Variants in ADD2 observed in about 807,000 individuals in gnomAD.
ADD2 encodes the protein adducin 2.
In ADD2, 23 loss-of-function variants were observed where a neutral mutation model predicts 83.0. The ratio of observed to expected loss-of-function variants is 0.28; its 90% CI spans 0.20 to 0.39. The LOEUF (loss-of-function observed/expected upper bound fraction) is 0.39, where lower values mean the gene tolerates loss of function less well. Among genes scored for constraint, ADD2 ranks in the 10% least tolerant of loss-of-function variants. The probability of loss-of-function intolerance (pLI) is 1.00; values close to 1 mark genes in which losing one functional copy is unlikely to be tolerated. For missense variants in ADD2, 758 were observed against 944.9 expected (o/e 0.80, Z 2.59); for synonymous variants, 375 against 375.4 (o/e 1.00, Z 0.01).
intron 1 of ADD2, among the ~76,000 whole-genome samples, chr2:70,749,597 T>G (rs1318514862): frequency 6.6e-6 from 1 of 152,160 alleles, no homozygotes; most frequent in Non-Finnish European, 1.5e-5. Context: ...AAGCAACCAT[T>G]TGATACAGTC....
chr2:70,759,983 C>T (rs1440360485), intron 1 of ADD2, among the ~76,000 whole-genome samples: 2 of 152,092 alleles, frequency 1.3e-5, no homozygotes, highest in African/African-American at 4.8e-5. Flanking sequence ...GCTGAGAGGA[C>T]ACCACTGCTT....
intron 1 of ADD2, among the ~76,000 whole-genome samples, chr2:70,761,821 G>A (rs1211248429): frequency 2.7e-5 from 4 of 149,922 alleles, no homozygotes; most frequent in South Asian, 4.3e-4. Context: ...ACAGGTGCCC[G>A]CCACCACGCC....
intron 6 of ADD2, 62 bp from the exon 7 acceptor site, chr2:70,692,614 C>T: frequency 6.7e-7 from 1 of 1,499,212 alleles, no homozygotes; most frequent in South Asian, 1.3e-5. Flanking sequence ...CACTCCTCTC[C>T]CAGCTGGTGG....
At chr2:70,675,412 TGTACCGCAG>T in intron 13 of ADD2, 1 of 985,650 alleles carries the variant, frequency 1.0e-6, no homozygotes, top group Non-Finnish European at 1.2e-6. Flanking sequence ...TCAACCTGCC[TGTACCGCAG>T]GTCCCTGCAG....
chr2:70,667,609 G>A (rs1006693714), intron 15 of ADD2, among the ~76,000 whole-genome samples: 1 of 152,176 alleles, frequency 6.6e-6, no homozygotes, highest in African/African-American at 2.4e-5. Context: ...CTGTGAGGGT[G>A]TTTCCAGAAG....
intron 1 of ADD2, among the ~76,000 whole-genome samples, chr2:70,718,608 G>A (rs1372160508): frequency 6.6e-6 from 1 of 152,198 alleles, no homozygotes; most frequent in Non-Finnish European, 1.5e-5. Flanking sequence ...CCTGAAGAAA[G>A]ACATTATTCA....
chr2:70,674,362 A>G (rs184407929), intron 14 of ADD2, among the ~76,000 whole-genome samples: 1 of 152,306 alleles, frequency 6.6e-6, no homozygotes, highest in East Asian at 1.9e-4. Flanking sequence ...CTGGTGGGAA[A>G]TAATAATGAT....
chr2:70,713,746 G>C (rs1553375886), intron 1 of ADD2, among the ~76,000 whole-genome samples: 2 of 152,146 alleles, frequency 1.3e-5, no homozygotes, highest in Non-Finnish European at 2.9e-5. Context: ...CCCTGGCCTG[G>C]TGGAGGGCGC....
intron 3 of ADD2, among the ~76,000 whole-genome samples, chr2:70,705,136 G>A (rs1176023383): frequency 1.3e-5 from 2 of 152,236 alleles, no homozygotes; most frequent in East Asian, 1.9e-4. Context: ...ATCTGGGCTG[G>A]TGCTAACTCT....
intron 1 of ADD2, among the ~76,000 whole-genome samples, chr2:70,735,559 C>A (rs1350644023): frequency 6.6e-6 from 1 of 151,978 alleles, no homozygotes; most frequent in Non-Finnish European, 1.5e-5. Flanking sequence ...TCTGCCCCAG[C>A]CTGCTTGCTC....
chr2:70,762,985 C>T (rs1018741278), intron 1 of ADD2, among the ~76,000 whole-genome samples: 2 of 151,912 alleles, frequency 1.3e-5, no homozygotes, highest in African/African-American at 4.9e-5. Flanking sequence ...GGATTACAGG[C>T]GTGAGCCACC....
chr2:70,728,844 T>C (rs1382934276), intron 1 of ADD2, among the ~76,000 whole-genome samples: 1 of 152,188 alleles, frequency 6.6e-6, no homozygotes, highest in Non-Finnish European at 1.5e-5. Context: ...CTTGTCTTCC[T>C]CCCACATAGG....
At chr2:70,765,778 A>G (rs1254985424) in intron 1 of ADD2, among the ~76,000 whole-genome samples, 3 of 152,164 alleles carry the variant, frequency 2.0e-5, no homozygotes, top group African/African-American at 7.2e-5. Context: ...ATGTTTTTGT[A>G]TCAGCCTCAC....
chr2:70,693,294 A>G (rs1486830321), intron 6 of ADD2, among the ~76,000 whole-genome samples: 1 of 152,132 alleles, frequency 6.6e-6, no homozygotes, highest in Non-Finnish European at 1.5e-5. Context: ...CCGGAGTGCA[A>G]TCTCCCGGCA....
intron 15 of ADD2, among the ~76,000 whole-genome samples, chr2:70,671,314 C>T (rs1431694261): frequency 2.0e-5 from 3 of 151,902 alleles, no homozygotes; most frequent in African/African-American, 4.8e-5. Flanking sequence ...TGCTTCTGGG[C>T]GTGTGTGCCT....
intron 1 of ADD2, among the ~76,000 whole-genome samples, chr2:70,713,768 C>T (rs1052817806): frequency 1.3e-5 from 2 of 152,092 alleles, no homozygotes; most frequent in African/African-American, 4.8e-5. Context: ...GAATGTGGAA[C>T]TCCTGCACGA....
chr2:70,747,323 T>C (rs782158736), intron 1 of ADD2, among the ~76,000 whole-genome samples: 4 of 152,154 alleles, frequency 2.6e-5, no homozygotes, highest in Non-Finnish European at 5.9e-5. Context: ...GAGTCCAATA[T>C]GGATTTAAAC....
intron 4 of ADD2, 75 bp downstream of exon 4, chr2:70,704,246 G>T: frequency 1.4e-6 from 2 of 1,471,586 alleles, no homozygotes; most frequent in Non-Finnish European, 9.3e-7. Flanking sequence ...GATGCTTCTT[G>T]CTGCTCCTCC....
intron 1 of ADD2, among the ~76,000 whole-genome samples, chr2:70,736,020 C>T (rs1553380104): frequency 6.6e-6 from 1 of 152,004 alleles, no homozygotes; most frequent in African/African-American, 2.4e-5. Flanking sequence ...CCCCACTTTC[C>T]ATCGCAGAAG....
Sources: gnomAD v4.1 joint callset for allele counts (sites outside exome capture counted in the v4.1 genomes callset) on GRCh38, gnomAD v4.1.1 for gene constraint, MANE v1.5 for transcripts, NCBI Gene and HGNC (gene_info 2026-07-23, HGNC 2026-07-21) for gene names.